The following ERCC1 variants were observed in gnomAD, a reference collection of about 807,000 sequenced individuals.
ERCC1 encodes ERCC excision repair 1, endonuclease non-catalytic subunit, also known as DNA excision repair protein ERCC-1.
In ERCC1, 36 loss-of-function variants were observed where a neutral mutation model predicts 37.6. The ratio of observed to expected loss-of-function variants is 0.96; its 90% CI spans 0.73 to 1.26. ERCC1 has a LOEUF of 1.26. Among genes scored for constraint, ERCC1 ranks in the 50% most tolerant of loss-of-function variants. The pLI is 0.00. For missense variants in ERCC1, 349 were observed against 376.5 expected (o/e 0.93, Z 0.60); for synonymous variants, 156 against 162.1 (o/e 0.96, Z 0.28).
upstream of ERCC1, among the ~76,000 whole-genome samples, chr19:45,426,567 A>T (rs111501116): frequency 0.17 from 25,041 of 149,648 alleles, 2,360 homozygotes; most frequent in East Asian, 0.44. Context: ...AAAAAAAAAA[A>T]TTTTTTTTGA....
upstream of ERCC1, among the ~76,000 whole-genome samples, chr19:45,427,688 C>G (rs1974728761): frequency 6.6e-6 from 1 of 152,154 alleles, no homozygotes; most frequent in Admixed American, 6.6e-5. Flanking sequence ...AGTAGGTCAT[C>G]CCAAGTAGAA....
chr19:45,417,428 G>A (rs1054047087), intron 5 of ERCC1, among the ~76,000 whole-genome samples: 29 of 152,142 alleles, frequency 1.9e-4, no homozygotes, highest in African/African-American at 7.0e-4. Context: ...ACCCAAAGGA[G>A]GATGAGGAGG....
chr19:45,408,985 G>C lies in ERCC1; in HGVS notation c.*690C>G, dbSNP rs1361608949. On this transcript the variant is annotated 3_prime_UTR_variant, in exon 10 of 10. Transcript: ENST00000300853. Reference sequence around the variant, plus strand: ...AAAAAGAAAAGGGACAGATGGCAATGATGGAGCCAGGGACGGAGGCGATGG... The same window carrying C: ...AAAAAGAAAAGGGACAGATGGCAATCATGGAGCCAGGGACGGAGGCGATGG... The C allele has an allele frequency of 6.2e-7, 1 of 1,614,112 alleles. No homozygotes were observed. The highest frequency in any genetic ancestry group is 8.5e-7 in the Non-Finnish European group (1 of 1,180,026).
upstream of ERCC1, among the ~76,000 whole-genome samples, chr19:45,425,428 G>A (rs558234090): frequency 7.3e-5 from 11 of 151,582 alleles, no homozygotes; most frequent in African/African-American, 2.7e-4. Flanking sequence ...TGCTCTTGTT[G>A]CCTAGGCTGG....
chr19:45,432,064 C>T (rs1164918619), intron 1 of ERCC1, among the ~76,000 whole-genome samples: 2 of 152,020 alleles, frequency 1.3e-5, no homozygotes, highest in Non-Finnish European at 2.9e-5. Flanking sequence ...CTCCGCCTCC[C>T]GGGTTCAAGC....
intron 6 of ERCC1, 96 bp from the exon 7 acceptor site, chr19:45,415,056 GGGCGCGGT>G (rs1279102961): frequency 1.1e-6 from 1 of 889,174 alleles, no homozygotes; most frequent in East Asian, 2.7e-5. Flanking sequence ...ATACTAGGCC[GGGCGCGGT>G]GGCTCACGCC....
chr19:45,447,874 A>AT (rs112686421), intron 1 of ERCC1, among the ~76,000 whole-genome samples: 27,157 of 142,660 alleles, frequency 0.19, 2,667 homozygotes, highest in Admixed American at 0.29. Context: ...TTTCTCTGAG[A>AT]TTTTTTTTTT....
At chr19:45,410,084 TCAC>T (rs1002426274) in intron 9 of ERCC1, 1 of 157,604 alleles carries the variant, frequency 6.3e-6, no homozygotes, top group Non-Finnish European at 1.4e-5. Context: ...AGATGGGGTT[TCAC>T]CACGTTAGCC....
intron 1 of ERCC1, among the ~76,000 whole-genome samples, chr19:45,436,396 G>A (rs537684256): frequency 6.6e-6 from 1 of 152,192 alleles, no homozygotes; most frequent in East Asian, 1.9e-4. Context: ...GGAGGCCGAG[G>A]CGGGCGGATC....
At chr19:45,411,154 T>C (rs1599804191) in intron 9 of ERCC1, among the ~76,000 whole-genome samples, 1 of 151,968 alleles carries the variant, frequency 6.6e-6, no homozygotes, top group Non-Finnish European at 1.5e-5. Context: ...GGCTGAAGAG[T>C]ATCCATTGTG....
chr19:45,449,306 T>G (rs1407327176), intron 1 of ERCC1: 2 of 152,186 alleles, frequency 1.3e-5, no homozygotes, highest in Admixed American at 6.6e-5. Context: ...CTGCTGTGTA[T>G]TGAGTGCACC....
chr19:45,439,602 T>C (rs1771206867), intron 1 of ERCC1, among the ~76,000 whole-genome samples: 1 of 152,178 alleles, frequency 6.6e-6, no homozygotes, highest in African/African-American at 2.4e-5. Flanking sequence ...GCCCAGCTCC[T>C]GCCTGCGATC....
chr19:45,437,714 G>A (rs180967205), intron 1 of ERCC1, among the ~76,000 whole-genome samples: 1 of 152,312 alleles, frequency 6.6e-6, no homozygotes, highest in East Asian at 1.9e-4. Context: ...AGAGGGTTGG[G>A]AAAAGAGAAG....
At chr19:45,441,674 C>T (rs1975123166) in intron 1 of ERCC1, among the ~76,000 whole-genome samples, 1 of 147,000 alleles carries the variant, frequency 6.8e-6, no homozygotes, top group East Asian at 2.1e-4. Flanking sequence ...TGCGTCCAGC[C>T]TAATTTTTTT....
Position 45,408,933 on chromosome 19 carries a change from T to C in ERCC1, c.*742A>G. 2 of 1,613,696 alleles carry C rather than the reference T, an allele frequency of 1.2e-6. No homozygotes were observed. The highest frequency in any genetic ancestry group is 1.7e-6 in the Non-Finnish European group (2 of 1,179,912). The stretch of plus-strand genomic sequence containing the variant: ...AAGGTGGAGCCACTGGAGGAAGCCA[T>C]CCCTCTGCCCCCTACGAAGAAGAGG... On this transcript the variant is annotated 3_prime_UTR_variant, in exon 10 of 10. Coordinates refer to ENST00000300853, the MANE Select transcript of ERCC1 (RefSeq NM_001983.4).
At chr19:45,415,628 T>A (rs1167744128) in intron 6 of ERCC1, among the ~76,000 whole-genome samples, 1 of 98,834 alleles carries the variant, frequency 1.0e-5, no homozygotes, top group Non-Finnish European at 1.8e-5. Context: ...AGAGCCAGAC[T>A]CCGTCTCAAA....
At chr19:45,433,460 A>C (rs1449047795) in intron 1 of ERCC1, among the ~76,000 whole-genome samples, 1 of 152,096 alleles carries the variant, frequency 6.6e-6, no homozygotes, top group Non-Finnish European at 1.5e-5. Flanking sequence ...TGGGAGGTGG[A>C]GGTTGCAGTG....
chr19:45,447,570 G>A (rs988344629), intron 1 of ERCC1, among the ~76,000 whole-genome samples: 5 of 151,726 alleles, frequency 3.3e-5, no homozygotes, highest in African/African-American at 1.2e-4. Flanking sequence ...CCACTGTGCC[G>A]GGCGTCTATC....
In ERCC1 at chr19:45,421,659, A is replaced by G. The variant is rs1599840036; in HGVS notation, c.106-266T>C. 9.8e-5 allele frequency among the ~76,000 whole-genome samples: 13 copies of G among 133,206 alleles called. No individual in the cohort carries two copies. The South Asian group carries it at 2.1e-3, about 22-fold the overall frequency. The allele number at this position is 133,206 out of a possible 152,430, so 87.4% of individuals were successfully genotyped here. A position where few individuals can be genotyped will look rare whatever the true frequency, so the allele number is the denominator to read the frequency against. On this transcript the variant is annotated intron_variant, in intron 2 of 9. Transcript: ENST00000300853. ...TTTTTTTTTTTTTTTTTTGAGATGG[A>G]GTCTTGCTCTGTCACCCAGGCTGGA...
Sources: gnomAD v4.1 joint callset for allele counts (sites outside exome capture counted in the v4.1 genomes callset) on GRCh38, gnomAD v4.1.1 for gene constraint, MANE v1.5 for transcripts, NCBI Gene and HGNC (gene_info 2026-07-23, HGNC 2026-07-21) for gene names.